The following AK9 variants were observed in gnomAD, a reference collection of about 807,000 sequenced individuals.
AK9 encodes adenylate kinase 9.
AK9 carries 191 observed loss-of-function variants against 239.6 expected under a neutral mutation model. The ratio of observed to expected loss-of-function variants is 0.80; its 90% CI spans 0.71 to 0.90. The LOEUF (loss-of-function observed/expected upper bound fraction) is 0.90, where lower values mean the gene tolerates loss of function less well. AK9 is among the 40% of genes least tolerant of loss of function. The pLI is 0.00. For missense variants in AK9, 1,995 were observed against 2,214.7 expected (o/e 0.90, Z 1.99); for synonymous variants, 689 against 721.0 (o/e 0.96, Z 0.71).
intron 17 of AK9, among the ~76,000 whole-genome samples, chr6:109,591,818 T>C (rs1210340414): frequency 1.3e-5 from 2 of 151,096 alleles, no homozygotes; most frequent in Non-Finnish European, 2.9e-5. Context: ...TAGCAGGATA[T>C]AAAATTCTTG....
chr6:109,497,756 A>G, intron 37 of AK9, 40 bp downstream of exon 37: 1 of 1,587,560 alleles, frequency 6.3e-7, no homozygotes, highest in South Asian at 1.1e-5. Flanking sequence ...TCTTTGGCGT[A>G]GCAATATCAT....
intron 1 of AK9, among the ~76,000 whole-genome samples, chr6:109,677,464 G>A (rs1012589942): frequency 2.6e-4 from 39 of 152,098 alleles, no homozygotes; most frequent in African/African-American, 8.7e-4. Flanking sequence ...ATTTTTGGGC[G>A]AAAGGATTTA....
Position 109,493,551 on chromosome 6 carries a change from C to G in AK9, c.5554G>C (p.Glu1852Gln). The G allele has an allele frequency of 6.2e-7, 1 of 1,613,558 alleles. No homozygotes were observed. Among genetic ancestry groups the G allele is most frequent in the Non-Finnish European group, 8.5e-7 (1 of 1,179,900 alleles). ...HLKAFNPKGS[E>Q]YTRKKYKKKM... is the part of the protein sequence containing the mutation. The stretch of plus-strand genomic sequence containing the variant: ...TTCTTATACTTTTTTCTTGTGTATT[C>G]GGAACCTTTGGGATTAAATGCTGTA... Residue 1852 changes from glutamate to glutamine, a missense_variant, in exon 41 of 41, where the codon GAA (glutamate) becomes CAA (glutamine). Physicochemically the swap from Glu to Gln is conservative, Grantham distance 29. Around this residue, in one of 5 missense-constraint regions of AK9, gnomAD observed 391 missense variants for 456.0 expected, o/e 0.86. Transcript: ENST00000424296.
intron 35 of AK9, among the ~76,000 whole-genome samples, chr6:109,504,225 A>G (rs1322888773): frequency 6.6e-6 from 1 of 152,090 alleles, no homozygotes; most frequent in African/African-American, 2.4e-5. Context: ...TTAGCTGGGC[A>G]TGGTGGCATG....
chr6:109,581,796 C>T (rs971898410), intron 19 of AK9, among the ~76,000 whole-genome samples: 1 of 152,156 alleles, frequency 6.6e-6, no homozygotes, highest in Non-Finnish European at 1.5e-5. Flanking sequence ...GTCAACAAAA[C>T]AGGCTTCTAT....
chr6:109,666,834 CT>C (rs138722825), intron 5 of AK9, among the ~76,000 whole-genome samples: 5,755 of 152,304 alleles, frequency 0.038, 140 homozygotes, highest in South Asian at 0.059. Flanking sequence ...TTCTACCCAT[CT>C]GACCTCAGAC....
intron 35 of AK9, among the ~76,000 whole-genome samples, chr6:109,505,703 A>C (rs1334341472): frequency 6.6e-6 from 1 of 152,174 alleles, no homozygotes; most frequent in African/African-American, 2.4e-5. Flanking sequence ...CCTTTTAGTG[A>C]GAGATCATGC....
chr6:109,539,901 G>T (rs1782619549), intron 27 of AK9, among the ~76,000 whole-genome samples: 2 of 152,168 alleles, frequency 1.3e-5, no homozygotes. Flanking sequence ...ATCAGCAGTG[G>T]AGGCTGCAGT....
At chr6:109,643,894 G>A (rs1053945253) in intron 9 of AK9, among the ~76,000 whole-genome samples, 1 of 152,068 alleles carries the variant, frequency 6.6e-6, no homozygotes, top group Non-Finnish European at 1.5e-5. Flanking sequence ...AGTTCTTACT[G>A]GTCCTTTAAG....
intron 27 of AK9, among the ~76,000 whole-genome samples, chr6:109,535,780 G>A (rs527870906): frequency 3.8e-4 from 58 of 152,230 alleles, no homozygotes; most frequent in African/African-American, 1.3e-3. Flanking sequence ...ATTAATTTTT[G>A]TATAAGATGT....
intron 1 of AK9, among the ~76,000 whole-genome samples, chr6:109,684,857 G>A (rs1218686690): frequency 8.0e-5 from 8 of 100,194 alleles, no homozygotes; most frequent in Admixed American, 2.9e-4. Flanking sequence ...CTGGGCGACA[G>A]AGTGAGACTC....
At chr6:109,588,311 C>T (rs909131513) in intron 17 of AK9, among the ~76,000 whole-genome samples, 9 of 151,940 alleles carry the variant, frequency 5.9e-5, no homozygotes, top group South Asian at 2.1e-4. Flanking sequence ...CCTCGTGATC[C>T]GCCCGTCTCG....
At chr6:109,533,688 T>C (rs1350763858) in intron 27 of AK9, among the ~76,000 whole-genome samples, 1 of 152,188 alleles carries the variant, frequency 6.6e-6, no homozygotes, top group Non-Finnish European at 1.5e-5. Context: ...ATGAATAGTT[T>C]AAAAATTTAC....
intron 5 of AK9, among the ~76,000 whole-genome samples, chr6:109,669,290 T>C (rs1801723870): frequency 6.6e-6 from 1 of 152,184 alleles, no homozygotes; most frequent in Admixed American, 6.5e-5. Flanking sequence ...GATTTTGGGC[T>C]GAGACGATGG....
intron 8 of AK9, among the ~76,000 whole-genome samples, chr6:109,653,609 G>A (rs1799279750): frequency 6.6e-6 from 1 of 151,766 alleles, no homozygotes; most frequent in Admixed American, 6.6e-5. Context: ...TCTTCAGCAA[G>A]ATAAAATATT....
At chr6:109,642,081 A>G (rs560799577) in intron 9 of AK9, among the ~76,000 whole-genome samples, 4 of 152,192 alleles carry the variant, frequency 2.6e-5, no homozygotes, top group East Asian at 1.9e-4. Context: ...TTTTGCTGCC[A>G]TAAGTCAAGA....
chr6:109,585,123 C>T lies in AK9; in HGVS notation c.2114G>A (p.Arg705Lys), dbSNP rs1297783615. Residue 705 changes from arginine (R) to lysine (K), a missense_variant and splice_region_variant, in exon 19 of 41, where the codon AGA becomes AAA. Physicochemically the swap from Arg to Lys is conservative, Grantham distance 26. Transcript: ENST00000424296. ...QKKKKEEEEA[R>K]KATEEELRLE... is the part of the protein sequence containing the mutation. ...TTTTATCATTCTAGGCAGATTTTAC[C>T]TTGCTTCTTCTTCTTCTTTTTTTTT... 2.6e-6 allele frequency: 3 copies of T among 1,138,392 alleles called. No homozygotes were observed. Among genetic ancestry groups the T allele is most frequent in the Admixed American group, 4.4e-5 (1 of 22,882 alleles). 70.5% of individuals were successfully genotyped at this position (1,138,392 alleles called of 1,614,324 possible).
intron 17 of AK9, among the ~76,000 whole-genome samples, chr6:109,590,953 A>G (rs7754118): frequency 0.58 from 88,532 of 151,968 alleles, 27,465 homozygotes; most frequent in East Asian, 0.84. Flanking sequence ...ATGGTCATTT[A>G]AGAATGTTCC....
chr6:109,532,852 C>T (rs1053210754), intron 28 of AK9, among the ~76,000 whole-genome samples: 4 of 152,214 alleles, frequency 2.6e-5, no homozygotes, highest in African/African-American at 9.6e-5. Context: ...AATGTTCTAA[C>T]CTAATTTGGT....
Sources: allele counts gnomAD v4.1 joint callset (sites outside exome capture counted in the v4.1 genomes callset), GRCh38; gene constraint gnomAD v4.1.1; regional missense constraint gnomAD v4.1.1; transcripts MANE v1.5; gene names NCBI Gene and HGNC (gene_info 2026-07-23, HGNC 2026-07-21).